AHI1: variants seen among roughly 807,000 people sequenced by gnomAD.
AHI1 encodes the protein Abelson helper integration site 1, also known as jouberin.
Under a neutral mutation model 149.3 loss-of-function variants are expected in AHI1, and 123 were observed. That is an observed-to-expected ratio of 0.82 (90% CI 0.71 to 0.96). The LOEUF (loss-of-function observed/expected upper bound fraction) is 0.96, where lower values mean the gene tolerates loss of function less well. Ranked by LOEUF, AHI1 falls within the 40% of genes least tolerant of loss-of-function variation. The pLI is 0.00. For missense variants in AHI1, 1,439 were observed against 1,422.7 expected (o/e 1.01, Z -0.18); for synonymous variants, 475 against 459.8 (o/e 1.03, Z -0.42).
At chr6:135,485,856 C>A (rs529459380) in intron 5 of AHI1, among the ~76,000 whole-genome samples, 73 of 152,146 alleles carry the variant, frequency 4.8e-4, no homozygotes, top group African/African-American at 1.7e-3. Context: ...TAACAGGGAG[C>A]CTGTTATGGC....
intron 8 of AHI1, among the ~76,000 whole-genome samples, chr6:135,459,836 C>A (rs1245017327): frequency 6.6e-6 from 1 of 151,214 alleles, no homozygotes; most frequent in East Asian, 1.9e-4. Flanking sequence ...GAAAAAGAAG[C>A]GATAAAACTA....
chr6:135,382,536 T>A (rs1776908521), intron 23 of AHI1, among the ~76,000 whole-genome samples: 1 of 152,164 alleles, frequency 6.6e-6, no homozygotes, highest in Non-Finnish European at 1.5e-5. Context: ...CAGACCAAAC[T>A]GACTAAACCA....
At chr6:135,289,487 G>A (rs1023913077) in intron 28 of AHI1, among the ~76,000 whole-genome samples, 1 of 151,814 alleles carries the variant, frequency 6.6e-6, no homozygotes, top group African/African-American at 2.4e-5. Context: ...AGAGCAAGAC[G>A]TCTCAAAACA....
Position 135,411,385 on chromosome 6 carries a change from T to C in AHI1, c.2924A>G (p.Lys975Arg), listed in dbSNP as rs532621380. ...EFVHTESSST[K>R]MQLVKQRLET... The stretch of plus-strand genomic sequence containing the variant: ...AAGCCTCTGTTTTACTAGCTGCATC[T>C]TCGTTGAAGAACTTTCAGTGTGGAC... The change falls in exon 21 of 29, where the codon AAG becomes AGG. Residue 975 changes from lysine to arginine, a missense_variant. Lys to Arg is a conservative substitution (Grantham distance 26). Transcript: ENST00000265602. 6.2e-7 allele frequency: 1 copy of C among 1,613,876 alleles called. No homozygotes were observed. Among genetic ancestry groups the C allele is most frequent in the South Asian group, 1.1e-5 (1 of 91,070 alleles).
intron 24 of AHI1, among the ~76,000 whole-genome samples, chr6:135,332,678 C>T (rs1788779439): frequency 6.6e-6 from 1 of 152,220 alleles, no homozygotes; most frequent in Non-Finnish European, 1.5e-5. Flanking sequence ...AAATTTCCAA[C>T]CAGTATGGTA....
chr6:135,353,144 T>G (rs1053721057), intron 24 of AHI1, among the ~76,000 whole-genome samples: 8 of 152,148 alleles, frequency 5.3e-5, no homozygotes, highest in African/African-American at 1.9e-4. Context: ...TGCTTATACT[T>G]AAACATGTTA....
chr6:135,390,686 C>T (rs904967529), intron 23 of AHI1, among the ~76,000 whole-genome samples: 1 of 152,102 alleles, frequency 6.6e-6, no homozygotes, highest in Non-Finnish European at 1.5e-5. Context: ...GTCAGCCTCT[C>T]TGATTCTCGG....
intron 23 of AHI1, among the ~76,000 whole-genome samples, chr6:135,361,840 G>T (rs921812750): frequency 3.1e-4 from 47 of 151,376 alleles, no homozygotes; most frequent in Non-Finnish European, 4.3e-4. Flanking sequence ...TATTTTTTTT[G>T]ATTTTATTTT....
chr6:135,340,658 CATAT>C (rs71006759), intron 24 of AHI1, among the ~76,000 whole-genome samples: 63 of 38,058 alleles, frequency 1.7e-3, no homozygotes, highest in African/African-American at 5.4e-3. Context: ...TACATACATA[CATAT>C]ATATATATAT....
intron 23 of AHI1, among the ~76,000 whole-genome samples, chr6:135,385,998 T>C (rs889110283): frequency 2.0e-5 from 3 of 152,210 alleles, no homozygotes; most frequent in African/African-American, 7.2e-5. Flanking sequence ...GATCACACTG[T>C]AGTGAGTAAC....
chr6:135,285,501 TAG>T lies in AHI1; in HGVS notation c.*142_*143del, dbSNP rs2128336196. On this transcript the variant is annotated 3_prime_UTR_variant, in exon 29 of 29. Coordinates refer to ENST00000265602, the MANE Select transcript of AHI1 (RefSeq NM_001134831.2). ...ACCCACAACTTGATTCTGATTTTTCTAGAGTCATTCATAAGAACAAGAAGTAG... is the reference window on the plus strand; with the variant it reads ...ACCCACAACTTGATTCTGATTTTTCTAGTCATTCATAAGAACAAGAAGTAG... 4 of 868,606 alleles carry T rather than the reference TAG, an allele frequency of 4.6e-6. No homozygotes were observed. The highest frequency in any genetic ancestry group is 4.5e-5 in the South Asian group (3 of 66,592). 53.8% of individuals were successfully genotyped at this position (868,606 alleles called of 1,614,324 possible).
chr6:135,290,427 A>C lies in AHI1; in HGVS notation c.3584T>G (p.Ile1195Arg). The C allele has an allele frequency of 6.4e-7, 1 of 1,554,782 alleles. No homozygotes were observed. Among genetic ancestry groups the C allele is most frequent in the Non-Finnish European group, 8.9e-7 (1 of 1,125,906 alleles). Residue 1195 changes from isoleucine (I) to arginine (R), a missense_variant, in exon 28 of 29, where the codon ATA becomes AGA. Transcript: ENST00000265602. ...TTCTATTGGTTTTCCCCTTACCTCT[A>C]TTAGAGTGACTTTTCTGCCTGCTTG... ...NKQAGRKVTLIE is the reference protein window; with the variant it reads ...NKQAGRKVTLRE
rs139228508 is a variant in AHI1, at chr6:135,492,999, T to C, written c.-54-708A>G. On this transcript the variant is annotated intron_variant, in intron 3 of 28. Coordinates refer to ENST00000265602, the MANE Select transcript of AHI1 (RefSeq NM_001134831.2). ...TGAAGAGTGTTAAAAAAAAAGCTGG[T>C]TCAGGAATTATTGATTTGTTTGTTT... 31 of 964,462 alleles carry C rather than the reference T, an allele frequency of 3.2e-5. No homozygotes were observed. In the East Asian group the frequency reaches 1.0e-3, roughly 32 times the overall value. 59.7% of individuals were successfully genotyped at this position (964,462 alleles called of 1,614,324 possible). A position where few individuals can be genotyped will look rare whatever the true frequency, so the allele number is the denominator to read the frequency against.
At chr6:135,382,954 TAC>T (rs1554302955) in intron 23 of AHI1, among the ~76,000 whole-genome samples, 13 of 100,048 alleles carry the variant, frequency 1.3e-4, no homozygotes, top group African/African-American at 1.3e-4. Flanking sequence ...TATATATATA[TAC>T]ATATAAAATA....
chr6:135,398,226 C>A (rs540194914), intron 22 of AHI1, among the ~76,000 whole-genome samples: 1 of 151,980 alleles, frequency 6.6e-6, no homozygotes, highest in Non-Finnish European at 1.5e-5. Flanking sequence ...GTAGCTTATG[C>A]TCTTGTGATT....
At chr6:135,340,929 A>G (rs1464713418) in intron 24 of AHI1, among the ~76,000 whole-genome samples, 1 of 151,246 alleles carries the variant, frequency 6.6e-6, no homozygotes, top group East Asian at 1.9e-4. Context: ...TGTAATTCTA[A>G]GGGCAAACAC....
chr6:135,364,758 G>A (rs1300666115), intron 23 of AHI1, among the ~76,000 whole-genome samples: 2 of 152,248 alleles, frequency 1.3e-5, no homozygotes, highest in Non-Finnish European at 2.9e-5. Flanking sequence ...CAGGCGTGGC[G>A]GCGCACGCCT....
chr6:135,405,203 G>A (rs1419650925), intron 21 of AHI1, among the ~76,000 whole-genome samples: 3 of 152,110 alleles, frequency 2.0e-5, no homozygotes, highest in South Asian at 4.2e-4. Context: ...TGAAACTCCC[G>A]AGGGCTCACA....
rs142573016 is a variant in AHI1, at chr6:135,460,915, C to G, written c.931+2210G>C. On this transcript the variant is annotated intron_variant, in intron 8 of 28. Coordinates refer to ENST00000265602, the MANE Select transcript of AHI1 (RefSeq NM_001134831.2). ...CACTGCTTCCTATCATAAACATAAA[C>G]CAATTCCTGATGAACTGCATATCTA... Among the ~76,000 whole-genome samples the G allele has an allele frequency of 2.6e-5, 4 of 152,212 alleles. No individual in the cohort carries two copies. The East Asian group carries it at 5.8e-4, about 22-fold the overall frequency.
Sources: allele counts gnomAD v4.1 joint callset (sites outside exome capture counted in the v4.1 genomes callset), GRCh38; gene constraint gnomAD v4.1.1; transcripts MANE v1.5; gene names NCBI Gene and HGNC (gene_info 2026-07-23, HGNC 2026-07-21).